The following PXDNL variants were observed in gnomAD, a reference collection of about 807,000 sequenced individuals.
PXDNL encodes the protein peroxidasin like, also known as probable oxidoreductase PXDNL.
Under a neutral mutation model 150.8 loss-of-function variants are expected in PXDNL, and 145 were observed. The ratio of observed to expected loss-of-function variants is 0.96; its 90% CI spans 0.84 to 1.10. The LOEUF (loss-of-function observed/expected upper bound fraction) is 1.10, where lower values mean the gene tolerates loss of function less well. Among genes scored for constraint, PXDNL ranks in the 50% least tolerant of loss-of-function variants. The probability of loss-of-function intolerance (pLI) is 0.00; values close to 1 mark genes in which losing one functional copy is unlikely to be tolerated. For synonymous variants in PXDNL, 757 were observed against 725.7 expected (o/e 1.04, Z -0.69); for missense variants, 2,087 against 1,873.9 (o/e 1.11, Z -2.10).
intron 12 of PXDNL, among the ~76,000 whole-genome samples, chr8:51,437,851 G>A (rs1809443202): frequency 6.6e-6 from 1 of 152,164 alleles, no homozygotes; most frequent in African/African-American, 2.4e-5. Context: ...ATCCAAATGA[G>A]TAAAGAGGAA....
intron 3 of PXDNL, among the ~76,000 whole-genome samples, chr8:51,576,322 A>G (rs1364025251): frequency 6.6e-6 from 1 of 151,978 alleles, no homozygotes; most frequent in East Asian, 1.9e-4. Context: ...AAATATTGAA[A>G]TCATACAGAG....
intron 3 of PXDNL, among the ~76,000 whole-genome samples, chr8:51,559,491 G>A (rs4574836): frequency 0.28 from 42,541 of 151,664 alleles, 7,565 homozygotes; most frequent in African/African-American, 0.5. Context: ...ACAGTTCAAC[G>A]AAAGAAGAAA....
At chr8:51,721,062 C>T (rs2130916093) in intron 1 of PXDNL, among the ~76,000 whole-genome samples, 1 of 152,334 alleles carries the variant, frequency 6.6e-6, no homozygotes, top group Middle Eastern at 3.4e-3. Context: ...AGCCCGTGAA[C>T]AAGTCTCAGA....
At chr8:51,472,583 T>C (rs1810371557) in intron 7 of PXDNL, among the ~76,000 whole-genome samples, 2 of 152,158 alleles carry the variant, frequency 1.3e-5, no homozygotes, top group Admixed American at 6.5e-5. Context: ...AATACAACCA[T>C]ATTTATGGAA....
chr8:51,801,179 G>A (rs2037615495), intron 1 of PXDNL, among the ~76,000 whole-genome samples: 1 of 152,102 alleles, frequency 6.6e-6, no homozygotes, highest in Non-Finnish European at 1.5e-5. Flanking sequence ...GCCGCTCTGG[G>A]AGTGTCTGTC....
At chr8:51,714,496 G>GA (rs1015592493) in intron 1 of PXDNL, among the ~76,000 whole-genome samples, 20 of 151,852 alleles carry the variant, frequency 1.3e-4, no homozygotes, top group African/African-American at 2.4e-5. Flanking sequence ...GGCTCAATGG[G>GA]AAAAAAAGAT....
At chr8:51,393,861 G>C (rs566209518) in intron 17 of PXDNL, among the ~76,000 whole-genome samples, 28 of 152,342 alleles carry the variant, frequency 1.8e-4, no homozygotes, top group South Asian at 1.2e-3. Context: ...GCACAGCCCT[G>C]ATTTTAGCCC....
intron 3 of PXDNL, among the ~76,000 whole-genome samples, chr8:51,578,941 T>G (rs932139839): frequency 1.3e-5 from 2 of 151,966 alleles, no homozygotes; most frequent in African/African-American, 4.8e-5. Flanking sequence ...CCTCACACCT[T>G]TTACAAAAAC....
intron 17 of PXDNL, among the ~76,000 whole-genome samples, chr8:51,394,760 T>C (rs1319535818): frequency 6.6e-6 from 1 of 152,220 alleles, no homozygotes; most frequent in Non-Finnish European, 1.5e-5. Flanking sequence ...CTAGCATTCA[T>C]AGTGCCCTCT....
intron 21 of PXDNL, among the ~76,000 whole-genome samples, chr8:51,327,623 G>A (rs1379582962): frequency 6.6e-6 from 1 of 152,176 alleles, no homozygotes; most frequent in Admixed American, 6.5e-5. Context: ...AATGTTTTAT[G>A]CAAGAGCATG....
chr8:51,583,727 G>T (rs1400339250), intron 3 of PXDNL, among the ~76,000 whole-genome samples: 1 of 152,162 alleles, frequency 6.6e-6, no homozygotes, highest in Non-Finnish European at 1.5e-5. Context: ...TTGGATGGAT[G>T]AATAGATAAA....
rs151312524 is a variant in PXDNL, at chr8:51,606,179, G to A, written c.237-13481C>T. On this transcript the variant is annotated intron_variant, in intron 2 of 22. Coordinates refer to ENST00000356297, the MANE Select transcript of PXDNL (RefSeq NM_144651.5). ...TCCTGTTGTTAAATTACTCATATACGTGCCATGAGAGGCTGAAGTGACATT... is the reference window on the plus strand; with the variant it reads ...TCCTGTTGTTAAATTACTCATATACATGCCATGAGAGGCTGAAGTGACATT... Among the ~76,000 whole-genome samples, 1,060 of 152,198 alleles carry A rather than the reference G, an allele frequency of 7.0e-3. 14 individuals are homozygous for A. The highest frequency in any genetic ancestry group is 0.012 in the Non-Finnish European group (791 of 68,010).
At chr8:51,672,251 G>A (rs1231146437) in intron 1 of PXDNL, among the ~76,000 whole-genome samples, 1 of 152,168 alleles carries the variant, frequency 6.6e-6, no homozygotes, top group Non-Finnish European at 1.5e-5. Flanking sequence ...CAAAGTGCTG[G>A]GATTAGAGGC....
chr8:51,689,971 C>T (rs1815955981), intron 1 of PXDNL, among the ~76,000 whole-genome samples: 1 of 152,118 alleles, frequency 6.6e-6, no homozygotes, highest in Non-Finnish European at 1.5e-5. Flanking sequence ...TGGAGAAAGT[C>T]TAATAAAGAC....
chr8:51,332,335 C>G (rs1350413547), intron 21 of PXDNL, among the ~76,000 whole-genome samples: 3 of 152,170 alleles, frequency 2.0e-5, no homozygotes, highest in Non-Finnish European at 4.4e-5. Flanking sequence ...CAACAGCCTT[C>G]AGCCCTAGAC....
chr8:51,601,902 T>C (rs1349136271), intron 2 of PXDNL, among the ~76,000 whole-genome samples: 3 of 151,984 alleles, frequency 2.0e-5, no homozygotes, highest in Admixed American at 2.0e-4. Context: ...AAGAATCTCA[T>C]GTAAGGCTGG....
intron 1 of PXDNL, among the ~76,000 whole-genome samples, chr8:51,774,993 G>T (rs35509250): frequency 0.18 from 26,881 of 152,082 alleles, 2,797 homozygotes; most frequent in Non-Finnish European, 0.22. Flanking sequence ...ACACAGTCAA[G>T]AGGTTTCTGA....
intron 3 of PXDNL, among the ~76,000 whole-genome samples, chr8:51,572,840 C>T (rs1290595006): frequency 6.6e-6 from 1 of 151,680 alleles, no homozygotes; most frequent in Non-Finnish European, 1.5e-5. Context: ...CTCAGAAGTG[C>T]CTTTATCATA....
chr8:51,778,632 A>G (rs922117014), intron 1 of PXDNL, among the ~76,000 whole-genome samples: 1 of 152,232 alleles, frequency 6.6e-6, no homozygotes, highest in Non-Finnish European at 1.5e-5. Context: ...GAGACTGCAC[A>G]TGTTGCCCAA....
Sources: allele counts gnomAD v4.1 joint callset (sites outside exome capture counted in the v4.1 genomes callset), GRCh38; gene constraint gnomAD v4.1.1; transcripts MANE v1.5; gene names NCBI Gene and HGNC (gene_info 2026-07-23, HGNC 2026-07-21).